Variants in ZSCAN5B observed in about 807,000 individuals in gnomAD.
The protein encoded by ZSCAN5B is zinc finger and SCAN domain containing 5B.
A neutral mutation model predicts 25.2 loss-of-function variants in ZSCAN5B; 26 were observed. That is an observed-to-expected ratio of 1.03 (90% CI 0.76 to 1.43). The LOEUF (loss-of-function observed/expected upper bound fraction) is 1.43. Ranked by LOEUF, ZSCAN5B falls within the 40% of genes most tolerant of loss-of-function variation. ZSCAN5B has a pLI of 0.00. For synonymous variants in ZSCAN5B, 244 were observed against 240.9 expected, an observed-to-expected ratio of 1.01 and a Z score of -0.12; for missense variants, 745 against 622.1, an observed-to-expected ratio of 1.20 and a Z score of -2.10.
At chr19:56,192,914 A>C (rs2032758221) in exon 2 of ZSCAN5B, 3 of 1,614,018 alleles carry the variant, frequency 1.9e-6, no homozygotes, top group Non-Finnish European at 2.5e-6. Flanking sequence ...AACATCCTGA[A>C]ATTCATGTGC....
At chr19:56,190,306 G>A (rs1422845249) in exon 5 of ZSCAN5B, 2 of 1,614,050 alleles carry the variant, frequency 1.2e-6, no homozygotes, top group Non-Finnish European at 1.7e-6. Flanking sequence ...GGGCCCGCAG[G>A]GCCTGGGGAA....
rs2032721707 is a variant in ZSCAN5B at position 56,190,832 on chromosome 19, C to G, written c.739+5G>C. 3.7e-6 allele frequency: 6 copies of G among 1,612,832 alleles called. No individual in the cohort carries two copies. The highest frequency in any genetic ancestry group is 4.2e-6 in the Non-Finnish European group (5 of 1,179,586). On this transcript the variant is annotated splice_donor_5th_base_variant and intron_variant, in intron 4 of 4. Coordinates refer to ENST00000586855, the Ensembl canonical transcript of ZSCAN5B. ...ACCCCTGTGGATCCAAGTCTTCATACTCACTGGGACTCTTTGGAAGCTGAG... is the reference window on the plus strand; with the variant it reads ...ACCCCTGTGGATCCAAGTCTTCATAGTCACTGGGACTCTTTGGAAGCTGAG...
exon 5 of ZSCAN5B, chr19:56,190,212 G>C (rs2032708668): frequency 6.2e-7 from 1 of 1,613,934 alleles, no homozygotes; most frequent in African/African-American, 1.3e-5. Context: ...GCTTAGCTGG[G>C]AAAAATACTT....
In ZSCAN5B at chr19:56,191,833, A is replaced by G. The variant is rs769959567; in HGVS notation, c.588+17T>C. On this transcript the variant is annotated intron_variant, in intron 3 of 4. Transcript: ENST00000586855. ...TTCTCCCACCTCTGCCCAGACACCAAGGCCTCACACACTCACCTGCCTCCT... is the reference window on the plus strand; with the variant it reads ...TTCTCCCACCTCTGCCCAGACACCAGGGCCTCACACACTCACCTGCCTCCT... 11 of 1,611,462 alleles carry G rather than the reference A, an allele frequency of 6.8e-6. No individual in the cohort carries two copies. Among genetic ancestry groups the G allele is most frequent in the African/African-American group, 1.3e-5 (1 of 74,756 alleles).
intron 3 of ZSCAN5B, among the ~76,000 whole-genome samples, chr19:56,191,513 T>C (rs2032732432): frequency 6.6e-6 from 1 of 152,226 alleles, no homozygotes; most frequent in Non-Finnish European, 1.5e-5. Flanking sequence ...AGTGGGTTCC[T>C]TGCTGAATGA....
Position 56,192,658 on chromosome 19 carries a change from T to G in ZSCAN5B, c.384+11A>C, listed in dbSNP as rs10416043. The G allele has an allele frequency of 2.7e-3, 4,221 of 1,591,194 alleles. 77 individuals are homozygous for G. The African/African-American group carries it at 0.046, about 17-fold the overall frequency. On this transcript the variant is annotated intron_variant, in intron 2 of 4. Coordinates refer to ENST00000586855, the Ensembl canonical transcript of ZSCAN5B. The stretch of plus-strand genomic sequence containing the variant: ...CCCCTTCCCTGCACCAATCACGAGG[T>G]TCCCACTCACCCATTTCTTGGGTCT...
At chr19:56,190,661 G>C (rs1276422857) in intron 4 of ZSCAN5B, 86 bp from the exon 5 acceptor site, 7 of 1,558,522 alleles carry the variant, frequency 4.5e-6, no homozygotes, top group Non-Finnish European at 6.1e-6. Context: ...CACTGACCTT[G>C]GCTGAGAACT....
At chr19:56,197,692 G>A (rs775339176) in intron 1 of ZSCAN5B, 42 bp downstream of exon 1, 4 of 969,600 alleles carry the variant, frequency 4.1e-6, no homozygotes, top group African/African-American at 1.8e-5. Flanking sequence ...CCCCCCGCAT[G>A]CCAGCTCCGA....
chr19:56,193,758 C>G (rs921165910), intron 1 of ZSCAN5B, among the ~76,000 whole-genome samples: 9 of 152,088 alleles, frequency 5.9e-5, no homozygotes, highest in African/African-American at 2.2e-4. Flanking sequence ...GTCAGGAGAT[C>G]GAGACCATCC....
At chr19:56,191,918 G>C in exon 3 of ZSCAN5B, 1 of 1,613,990 alleles carries the variant, frequency 6.2e-7, no homozygotes, top group Non-Finnish European at 8.5e-7. Flanking sequence ...CCTGTCCCCG[G>C]ATGCATCTGG....
intron 1 of ZSCAN5B, among the ~76,000 whole-genome samples, chr19:56,193,690 C>T (rs144506599): frequency 6.6e-6 from 1 of 152,170 alleles, no homozygotes; most frequent in Admixed American, 6.5e-5. Flanking sequence ...AGGCCGGGCG[C>T]GGTGGCCCAG....
chr19:56,191,985 G>A (rs755499597), exon 3 of ZSCAN5B: 72 of 1,613,792 alleles, frequency 4.5e-5, no homozygotes, highest in Middle Eastern at 3.3e-4. Flanking sequence ...TGACACTGGC[G>A]GGGGCTTCAG....
rs185752005 is a variant in ZSCAN5B, at chr19:56,194,562, G to A, written c.-127-1383C>T. On this transcript the variant is annotated intron_variant, in intron 1 of 4. Coordinates refer to ENST00000586855, the Ensembl canonical transcript of ZSCAN5B. ...CGCTTGCTTTGGCCTCCCAAAATTC[G>A]GGGATTACAGGCGTGATTGCATTGC... Among the ~76,000 whole-genome samples the A allele has an allele frequency of 1.1e-4, 16 of 152,074 alleles. No homozygotes were observed. In the East Asian group the frequency reaches 2.3e-3, roughly 22 times the overall value.
exon 4 of ZSCAN5B, chr19:56,190,914 A>G (rs1369022521): frequency 6.2e-7 from 1 of 1,613,906 alleles, no homozygotes; most frequent in African/African-American, 1.3e-5. Context: ...ATCCTTCTCC[A>G]AGGTCTGCTT....
At chr19:56,197,889 A>C in exon 1 of ZSCAN5B, 1 of 984,190 alleles carries the variant, frequency 1.0e-6, no homozygotes. Flanking sequence ...CACAGAGTCC[A>C]TTTTCGTAAT....
rs138952005 is a variant in ZSCAN5B at position 56,190,385 on chromosome 19, C to T, written c.930G>A (p.Glu310=). The change falls in exon 5 of 5, where the codon GAG becomes GAA. Residue 310 remains glutamate (E), a synonymous_variant. Transcript: ENST00000586855. The stretch of plus-strand genomic sequence containing the variant: ...CCACAGGTGTGGCTTCTCCTTGAGG[C>T]TCTTCTTGGGAAATGGAGGAGGCAT... 3 of 1,614,046 alleles carry T rather than the reference C, an allele frequency of 1.9e-6. No homozygotes were observed. The South Asian group carries it at 3.3e-5, about 18-fold the overall frequency.
At chr19:56,190,782 C>T in intron 4 of ZSCAN5B, 55 bp downstream of exon 4, 4 of 1,579,432 alleles carry the variant, frequency 2.5e-6, no homozygotes, top group Non-Finnish European at 3.4e-6. Flanking sequence ...GGCCCCCAGC[C>T]CCGCACCCCA....
At chr19:56,189,690 G>C (rs1300413710) in exon 5 of ZSCAN5B, 1 of 1,071,066 alleles carries the variant, frequency 9.3e-7, no homozygotes, top group Admixed American at 3.0e-5. Context: ...CAAAACTCAT[G>C]GGGGAGGATA....
exon 3 of ZSCAN5B, chr19:56,191,860 G>A (rs1160548267): frequency 1.2e-6 from 2 of 1,613,576 alleles, no homozygotes; most frequent in South Asian, 1.1e-5. Flanking sequence ...CTGCCTCCTG[G>A]ACAGTGCAGC....
Sources: gnomAD v4.1 joint callset for allele counts (sites outside exome capture counted in the v4.1 genomes callset) on GRCh38, gnomAD v4.1.1 for gene constraint, MANE v1.5 for transcripts, NCBI Gene and HGNC (gene_info 2026-07-23, HGNC 2026-07-21) for gene names.